XIRP2: variants seen among roughly 807,000 people sequenced by gnomAD.
XIRP2 encodes the protein xin actin binding repeat containing 2.
XIRP2 carries 236 observed loss-of-function variants against 277.0 expected under a neutral mutation model. The observed-to-expected ratio is 0.85, with a 90% CI of 0.77 to 0.95. The LOEUF is 0.95. XIRP2 is among the 40% of genes least tolerant of loss of function. XIRP2 has a pLI of 0.00. For synonymous variants in XIRP2, 1,490 were observed against 1,416.5 expected (o/e 1.05, Z -1.17); for missense variants, 4,640 against 4,157.5 (o/e 1.12, Z -3.19).
intron 4 of XIRP2, among the ~76,000 whole-genome samples, chr2:167,212,724 T>C (rs1007572459): frequency 6.6e-6 from 1 of 152,194 alleles, no homozygotes; most frequent in Non-Finnish European, 1.5e-5. Context: ...AATGAGAAAG[T>C]ATTTTTGGCC....
intron 2 of XIRP2, among the ~76,000 whole-genome samples, chr2:167,123,116 GA>G (rs1691101950): frequency 6.6e-6 from 1 of 152,168 alleles, no homozygotes; most frequent in Non-Finnish European, 1.5e-5. Flanking sequence ...AAATAGCTGT[GA>G]AAATGTTTGC....
At chr2:167,153,656 G>T (rs1692089643) in intron 3 of XIRP2, among the ~76,000 whole-genome samples, 1 of 151,870 alleles carries the variant, frequency 6.6e-6, no homozygotes, top group African/African-American at 2.4e-5. Flanking sequence ...AGAATGTACG[G>T]TGTTTGGTTT....
At chr2:166,926,705 A>G (rs1685196982) in intron 2 of XIRP2, among the ~76,000 whole-genome samples, 1 of 152,088 alleles carries the variant, frequency 6.6e-6, no homozygotes, top group East Asian at 1.9e-4. Context: ...AGTGTTCTTG[A>G]ATGATTACTT....
intron 2 of XIRP2, among the ~76,000 whole-genome samples, chr2:166,970,790 ATATCT>A (rs1686557875): frequency 6.6e-6 from 1 of 151,994 alleles, no homozygotes; most frequent in African/African-American, 2.4e-5. Context: ...TTTTCCTTTG[ATATCT>A]TGTAAAACCA....
chr2:167,082,991 T>C (rs1347482914), intron 2 of XIRP2, among the ~76,000 whole-genome samples: 2 of 152,224 alleles, frequency 1.3e-5, no homozygotes, highest in African/African-American at 4.8e-5. Flanking sequence ...CCATTGCTTT[T>C]GGTGTTTTAG....
chr2:167,015,904 A>G (rs947844307), intron 2 of XIRP2, among the ~76,000 whole-genome samples: 12 of 151,722 alleles, frequency 7.9e-5, no homozygotes, highest in Middle Eastern at 3.4e-3. Context: ...TTTATATTTT[A>G]TATAAATTAA....
At chr2:167,112,092 A>G (rs1052903469) in intron 2 of XIRP2, among the ~76,000 whole-genome samples, 3 of 151,836 alleles carry the variant, frequency 2.0e-5, no homozygotes, top group Admixed American at 2.0e-4. Context: ...TATCTATCTT[A>G]TTAATTTTTT....
At chr2:166,959,513 G>A (rs1686248837) in intron 2 of XIRP2, among the ~76,000 whole-genome samples, 1 of 151,758 alleles carries the variant, frequency 6.6e-6, no homozygotes, top group South Asian at 2.1e-4. Flanking sequence ...GCTATGAAGT[G>A]TTTCCCTCAT....
At chr2:167,100,343 A>G (rs1334023985) in intron 2 of XIRP2, among the ~76,000 whole-genome samples, 2 of 152,166 alleles carry the variant, frequency 1.3e-5, no homozygotes, top group Non-Finnish European at 2.9e-5. Flanking sequence ...TCATTTTGTC[A>G]AGGTGCATAC....
chr2:167,246,973 G>T lies in XIRP2; in HGVS notation c.5581G>T (p.Glu1861Ter). Residue 1861 changes from glutamate (E) to a stop codon, truncating the protein, a stop_gained, in exon 9 of 11, where the codon GAA becomes TAA. Coordinates refer to ENST00000409195, the MANE Select transcript of XIRP2 (RefSeq NM_152381.6). LOFTEE classifies it high-confidence loss of function. Reference sequence around the variant, plus strand: ...AAATCAGAAAACAGTGACGAAAACAGAAGAAATTATAAAAGGTAACATGCT... The same window carrying T: ...AAATCAGAAAACAGTGACGAAAACATAAGAAATTATAAAAGGTAACATGCT... ...AVNQKTVTKT[E>*]EIIKGNMLAT... is the part of the protein sequence containing the mutation. 6.2e-7 allele frequency: 1 copy of T among 1,613,540 alleles called. No homozygotes were observed. The highest frequency in any genetic ancestry group is 8.5e-7 in the Non-Finnish European group (1 of 1,179,738).
At chr2:167,205,260 G>T (rs1215270240) in intron 3 of XIRP2, among the ~76,000 whole-genome samples, 1 of 152,136 alleles carries the variant, frequency 6.6e-6, no homozygotes, top group Non-Finnish European at 1.5e-5. Flanking sequence ...GAAAGATAGT[G>T]AATGTATCTT....
chr2:167,189,062 T>A (rs1390829368), intron 3 of XIRP2, among the ~76,000 whole-genome samples: 4 of 152,344 alleles, frequency 2.6e-5, no homozygotes, highest in African/African-American at 9.6e-5. Flanking sequence ...TTGTTCACAG[T>A]TGATAGCTTC....
chr2:167,133,631 C>T (rs561861957), intron 2 of XIRP2, among the ~76,000 whole-genome samples: 1 of 152,286 alleles, frequency 6.6e-6, no homozygotes, highest in African/African-American at 2.4e-5. Context: ...CAGTATTCCA[C>T]CTTTTACCAA....
intron 2 of XIRP2, among the ~76,000 whole-genome samples, chr2:167,000,110 A>G (rs1223161861): frequency 6.6e-6 from 1 of 152,192 alleles, no homozygotes; most frequent in Non-Finnish European, 1.5e-5. Context: ...TCTGTCATAA[A>G]TATGGAAGTG....
At chr2:167,049,110 T>A (rs73972955) in intron 2 of XIRP2, among the ~76,000 whole-genome samples, 22,087 of 151,708 alleles carry the variant, frequency 0.15, 1,760 homozygotes, top group Middle Eastern at 0.33. Flanking sequence ...GTTCTTTTTC[T>A]CTCTGTGTCT....
chr2:167,056,602 A>C (rs1031990656), intron 2 of XIRP2, among the ~76,000 whole-genome samples: 1 of 152,174 alleles, frequency 6.6e-6, no homozygotes, highest in Admixed American at 6.6e-5. Context: ...TCATAATCAC[A>C]TGATACTTTT....
rs1349890033 is a variant in XIRP2, at chr2:167,243,284, C to T, written c.1892C>T (p.Ala631Val). 1 of 1,613,664 alleles carries T rather than the reference C, an allele frequency of 6.2e-7. No homozygotes were observed. The highest frequency in any genetic ancestry group is 1.3e-5 in the African/African-American group (1 of 74,996). ...ACCCAACCCATCGACACACTTGGGG[C>T]TTATTCTTCTGACACTGTAGAAAAT... is the stretch of plus-strand genomic sequence containing the variant. ...FETQPIDTLGAYSSDTVENAE... is the reference protein window; with the variant it reads ...FETQPIDTLGVYSSDTVENAE... Residue 631 changes from alanine (A) to valine (V), a missense_variant, in exon 9 of 11, where the codon GCT (alanine) becomes GTT (valine). Transcript: ENST00000409195.
At chr2:167,025,841 C>T (rs1196848404) in intron 2 of XIRP2, among the ~76,000 whole-genome samples, 1 of 151,946 alleles carries the variant, frequency 6.6e-6, no homozygotes, top group East Asian at 1.9e-4. Context: ...AATTTCTGTT[C>T]TTTTACATTT....
chr2:167,248,384 C>G lies in XIRP2; in HGVS notation c.6992C>G (p.Thr2331Arg), dbSNP rs758643848. ...AATGGGTTTCTTCCCTCACTGTCCA[C>G]AGAGAAGATAAAGGCTGAATTTGAA... is the stretch of plus-strand genomic sequence containing the variant. ...EKNGFLPSLS[T>R]EKIKAEFESF... Residue 2331 changes from threonine to arginine, a missense_variant, in exon 9 of 11, where the codon ACA becomes AGA. Transcript: ENST00000409195. The G allele has an allele frequency of 3.1e-6, 5 of 1,613,680 alleles. No homozygotes were observed. In the African/African-American group the frequency reaches 5.3e-5, roughly 17 times the overall value.
Sources: allele counts gnomAD v4.1 joint callset (sites outside exome capture counted in the v4.1 genomes callset), GRCh38; gene constraint gnomAD v4.1.1; transcripts MANE v1.5; gene names NCBI Gene and HGNC (gene_info 2026-07-23, HGNC 2026-07-21).